The following AHRR variants were observed in gnomAD, a reference collection of about 807,000 sequenced individuals.
AHRR encodes the protein ahR repressor.
In AHRR, 28 loss-of-function variants were observed where a neutral mutation model predicts 44.0. The observed-to-expected ratio is 0.64, with a 90% CI of 0.47 to 0.87. AHRR has a LOEUF of 0.87. AHRR is among the 40% of genes least tolerant of loss of function. The pLI, the probability that AHRR is intolerant of heterozygous loss-of-function variation, is 0.00. For missense variants in AHRR, 990 were observed against 953.9 expected (o/e 1.04, Z -0.50); for synonymous variants, 434 against 407.0 (o/e 1.07, Z -0.80).
At chr5:340,854 G>A (rs1324436376) in intron 1 of AHRR, among the ~76,000 whole-genome samples, 1 of 147,414 alleles carries the variant, frequency 6.8e-6, no homozygotes, top group African/African-American at 2.5e-5. Flanking sequence ...GCGCCACCAT[G>A]CCTGGCTAAT....
intron 3 of AHRR, among the ~76,000 whole-genome samples, chr5:360,841 C>T (rs573636417): frequency 3.3e-4 from 51 of 152,324 alleles, no homozygotes; most frequent in African/African-American, 1.2e-3. Flanking sequence ...ACCCTTGCTT[C>T]TCCTTACTGC....
chr5:377,323 G>A (rs551716019), intron 4 of AHRR, among the ~76,000 whole-genome samples: 9 of 152,352 alleles, frequency 5.9e-5, no homozygotes, highest in Non-Finnish European at 8.8e-5. Flanking sequence ...TGGAGCCTCC[G>A]GGGTGAATCC....
chr5:349,816 G>T (rs1298057748), intron 2 of AHRR, among the ~76,000 whole-genome samples: 2 of 152,106 alleles, frequency 1.3e-5, no homozygotes, highest in African/African-American at 2.4e-5. Context: ...GCTGGTGTCC[G>T]TTTGTTTTCT....
rs1579675558 is a variant in AHRR at position 404,250 on chromosome 5, T to C, written c.352-9094T>C. The stretch of plus-strand genomic sequence containing the variant: ...CATGAGTCTAATCACATCTGCTCCA[T>C]GCATGTTCCCAAATCATTGCCCTTC... On this transcript the variant is annotated intron_variant, in intron 4 of 10. Transcript: ENST00000684583. The surrounding 1 kb of genome is among the most constrained non-coding windows in gnomAD (Gnocchi z 4.1). 2.2e-5 allele frequency: 11 copies of C among 510,422 alleles called. No homozygotes were observed. Among genetic ancestry groups the C allele is most frequent in the South Asian group, 1.4e-4 (9 of 64,728 alleles). The allele number at this position is 510,422 out of a possible 1,614,324, so 31.6% of individuals were successfully genotyped here.
chr5:377,903 G>C (rs1010712309), intron 4 of AHRR, among the ~76,000 whole-genome samples: 1 of 152,176 alleles, frequency 6.6e-6, no homozygotes, highest in Admixed American at 6.5e-5. Context: ...GGGTCCGCCC[G>C]TCTGCTCCTG....
chr5:406,124 G>C lies in AHRR; in HGVS notation c.352-7220G>C, dbSNP rs1434023570. ...CTAGGGAGAAAACGGGAAAGGAAAG[G>C]CATTGTCCGGAAGAAGCCTCTTGCA... On this transcript the variant is annotated intron_variant, in intron 4 of 10. Transcript: ENST00000684583. This position sits in a 1 kb window ranked among gnomAD's most constrained non-coding sequence, Gnocchi z 4.7. 6.6e-6 allele frequency among the ~76,000 whole-genome samples: 1 copy of C among 152,236 alleles called. No individual in the cohort carries two copies. Among genetic ancestry groups the C allele is most frequent in the Non-Finnish European group, 1.5e-5 (1 of 68,032 alleles).
rs1423679634 is a variant in AHRR at position 432,323 on chromosome 5, TG to T, written c.909-139del. On this transcript the variant is annotated intron_variant, in intron 8 of 10. Coordinates refer to ENST00000684583, the MANE Select transcript of AHRR (RefSeq NM_001377236.1). ...CACACTATAAAGAATTAAACAAGAG[TG>T]AACTATTGTTTCTGTCTTCACTGCT... 4.1e-6 allele frequency: 3 copies of T among 740,058 alleles called. No individual in the cohort carries two copies. The Admixed American group carries it at 7.2e-5, about 18-fold the overall frequency. 45.8% of individuals were successfully genotyped at this position (740,058 alleles called of 1,614,324 possible).
At chr5:367,058 T>A (rs2671889) in intron 3 of AHRR, among the ~76,000 whole-genome samples, 2,198 of 152,344 alleles carry the variant, frequency 0.014, 56 homozygotes, top group African/African-American at 0.051. Flanking sequence ...CTTTATATGA[T>A]TCTTATAGCT....
At chr5:399,406 G>A (rs566820675) in intron 4 of AHRR, among the ~76,000 whole-genome samples, 105 of 152,346 alleles carry the variant, frequency 6.9e-4, no homozygotes, top group Non-Finnish European at 1.4e-3. Context: ...CTCAGAAAGC[G>A]GGTCCTGGTT....
rs763381911 is a variant in AHRR at position 427,856 on chromosome 5, A to C, written c.758A>C (p.Lys253Thr). 11 of 1,614,146 alleles carry C rather than the reference A, an allele frequency of 6.8e-6. No homozygotes were observed. The highest frequency in any genetic ancestry group is 4.4e-5 in the South Asian group (4 of 91,092). The change falls in exon 8 of 11, where the codon AAG (lysine) becomes ACG (threonine). Residue 253 changes from lysine (K) to threonine (T), a missense_variant. By Grantham distance (78) the Lys-to-Thr change is moderately conservative. Coordinates refer to ENST00000684583, the MANE Select transcript of AHRR (RefSeq NM_001377236.1). ...AAATTCCTGTTTGGACAGAAGAAGA[A>C]GGCGCCGTCAGGAGCCATGCTCCCG... ...KLKFLFGQKK[K>T]APSGAMLPPR...
intron 8 of AHRR, among the ~76,000 whole-genome samples, chr5:429,890 G>A (rs1468580298): frequency 1.3e-5 from 2 of 152,218 alleles, no homozygotes; most frequent in Non-Finnish European, 2.9e-5. Context: ...CACTGCCTGG[G>A]GTTGCCACGG....
At chr5:417,481 C>T (rs1315092472) in intron 5 of AHRR, among the ~76,000 whole-genome samples, 1 of 152,164 alleles carries the variant, frequency 6.6e-6, no homozygotes, top group Non-Finnish European at 1.5e-5. Flanking sequence ...CTAGAGAAGG[C>T]CGCTTGGTCT....
chr5:405,220 C>T lies in AHRR; in HGVS notation c.352-8124C>T, dbSNP rs1339327170. Among the ~76,000 whole-genome samples the T allele has an allele frequency of 6.6e-6, 1 of 152,086 alleles. No individual in the cohort carries two copies. Among genetic ancestry groups the T allele is most frequent in the East Asian group, 1.9e-4 (1 of 5,182 alleles). ...TCTGCTCACGACCCAAAGAGGTTAG[C>T]ATGGAACCAACCCTCTTCCTCGGAG... On this transcript the variant is annotated intron_variant, in intron 4 of 10. Coordinates refer to ENST00000684583, the MANE Select transcript of AHRR (RefSeq NM_001377236.1). This position sits in a 1 kb window ranked among gnomAD's most constrained non-coding sequence, Gnocchi z 4.5.
rs772501854 is a variant in AHRR at position 427,950 on chromosome 5, G to C, written c.852G>C (p.Arg284Ser). ...CCTCCGCAGCGGAGATGAAAATGAG[G>C]AGCGCGCTCCTGAGGGCAAAACCCA... ...LLPSAAEMKM[R>S]SALLRAKPRA... is the part of the protein sequence containing the mutation. Residue 284 changes from arginine to serine, a missense_variant, in exon 8 of 11, where the codon AGG becomes AGC. By Grantham distance (110) the Arg-to-Ser change is moderately radical (BLOSUM62 -1). Coordinates refer to ENST00000684583, the MANE Select transcript of AHRR (RefSeq NM_001377236.1). 21 of 1,613,904 alleles carry C rather than the reference G, an allele frequency of 1.3e-5. No individual in the cohort carries two copies. Among genetic ancestry groups the C allele is most frequent in the Non-Finnish European group, 1.6e-5 (19 of 1,180,034 alleles).
chr5:391,536 A>C (rs866808116), intron 4 of AHRR, among the ~76,000 whole-genome samples: 412 of 18,684 alleles, frequency 0.022, no homozygotes, highest in South Asian at 0.037. Flanking sequence ...CAGGGCGAGG[A>C]GGGCGCAGGG....
chr5:422,609 C>G, intron 5 of AHRR, 120 bp from the exon 6 acceptor site: 1 of 1,362,768 alleles, frequency 7.3e-7, no homozygotes, highest in Admixed American at 1.7e-5. Context: ...GGGATTCTCT[C>G]CCTGTGGCTG....
At chr5:336,809 T>C (rs1430114399) in intron 1 of AHRR, among the ~76,000 whole-genome samples, 2 of 152,234 alleles carry the variant, frequency 1.3e-5, no homozygotes, top group Non-Finnish European at 2.9e-5. Context: ...ATTAAAGTCT[T>C]TAGTCAATTT....
In AHRR at chr5:353,823, G is replaced by A. The variant is rs150312721; in HGVS notation, c.156G>A (p.Pro52=). 3,827 of 1,614,052 alleles carry A rather than the reference G, an allele frequency of 2.4e-3. 7 individuals are homozygous for A. The highest frequency in any genetic ancestry group is 3.1e-3 in the Non-Finnish European group (3,640 of 1,180,004). The change falls in exon 3 of 11, where the codon CCG becomes CCA. Residue 52 remains proline (P), a synonymous_variant. Coordinates refer to ENST00000684583, the MANE Select transcript of AHRR (RefSeq NM_001377236.1). The part of the protein sequence containing the change: ...AELDHLASLL[P]FPPDIISKLD... ...TGGACCACCTGGCCAGCCTGCTGCCGTTCCCGCCTGACATCATCTCCAAGC... is the reference window on the plus strand; with the variant it reads ...TGGACCACCTGGCCAGCCTGCTGCCATTCCCGCCTGACATCATCTCCAAGC...
intron 3 of AHRR, among the ~76,000 whole-genome samples, chr5:359,760 G>A (rs1361452369): frequency 1.3e-5 from 2 of 152,168 alleles, no homozygotes; most frequent in Non-Finnish European, 2.9e-5. Context: ...AGCCCACCCG[G>A]GCTGAACGGG....
Sources: allele counts gnomAD v4.1 joint callset (sites outside exome capture counted in the v4.1 genomes callset), GRCh38; gene constraint gnomAD v4.1.1; non-coding constraint Gnocchi (gnomAD v3.1); transcripts MANE v1.5; gene names NCBI Gene and HGNC (gene_info 2026-07-23, HGNC 2026-07-21).